IL16: variants seen among roughly 807,000 people sequenced by gnomAD.
IL16 encodes interleukin 16, also known as pro-interleukin-16.
In IL16, 67 loss-of-function variants were observed where a neutral mutation model predicts 110.1. That is an observed-to-expected ratio of 0.61 (90% confidence interval 0.50 to 0.75). The LOEUF (loss-of-function observed/expected upper bound fraction) is 0.75, where lower values mean the gene tolerates loss of function less well. Among genes scored for constraint, IL16 ranks in the 30% least tolerant of loss-of-function variants. The pLI is 0.00. For synonymous variants in IL16, 689 were observed against 662.9 expected (o/e 1.04, Z -0.61); for missense variants, 1,545 against 1,655.0 (o/e 0.93, Z 1.15).
chr15:81,263,917 A>G (rs1179332301), intron 3 of IL16, among the ~76,000 whole-genome samples: 1 of 152,044 alleles, frequency 6.6e-6, no homozygotes, highest in Non-Finnish European at 1.5e-5. Flanking sequence ...CCATTTCCTC[A>G]CTGATAGAGG....
intron 2 of IL16, among the ~76,000 whole-genome samples, chr15:81,226,284 C>T (rs919183532): frequency 2.0e-5 from 3 of 152,134 alleles, no homozygotes; most frequent in Non-Finnish European, 4.4e-5. Context: ...TGTCTGGGGA[C>T]CTGCCAGAAT....
At chr15:81,210,489 A>G (rs1896199052) in intron 1 of IL16, among the ~76,000 whole-genome samples, 1 of 152,224 alleles carries the variant, frequency 6.6e-6, no homozygotes, top group African/African-American at 2.4e-5. Flanking sequence ...CTTCCAGTCC[A>G]TGAGCATGGA....
chr15:81,270,198 ATG>A (rs1467950209), intron 5 of IL16, among the ~76,000 whole-genome samples: 1 of 152,162 alleles, frequency 6.6e-6, no homozygotes, highest in Admixed American at 6.5e-5. Flanking sequence ...CTGCTTCATA[ATG>A]GAGATATAGC....
Position 81,269,424 on chromosome 15 carries a change from T to G in IL16, c.565-114T>G. The G allele has an allele frequency of 4.1e-6, 3 of 729,898 alleles. No homozygotes were observed. The South Asian group carries it at 4.8e-5, about 12-fold the overall frequency. 45.2% of individuals were successfully genotyped at this position (729,898 alleles called of 1,614,324 possible). On this transcript the variant is annotated intron_variant, in intron 4 of 18. Coordinates refer to ENST00000683961, the MANE Select transcript of IL16 (RefSeq NM_172217.5). ...TTCTGGTTGTTACGCTGCCTGCCCT[T>G]AGGAGAAAGAGGACTTGGTTCCTCT...
chr15:81,238,362 A>C (rs1897242470), intron 2 of IL16, among the ~76,000 whole-genome samples: 1 of 152,104 alleles, frequency 6.6e-6, no homozygotes, highest in Non-Finnish European at 1.5e-5. Flanking sequence ...GTAATCCTTG[A>C]ACATTTTAAA....
At position 81,273,108 on chromosome 15, in the gene IL16, GT is replaced by G; in HGVS notation, c.696del (p.Gly234GlufsTer45). 5.0e-6 allele frequency: 8 copies of G among 1,613,248 alleles called. No individual in the cohort carries two copies. Among genetic ancestry groups the G allele is most frequent in the Non-Finnish European group, 5.9e-6 (7 of 1,179,448 alleles). On this transcript the variant is annotated frameshift_variant, in exon 6 of 19. Transcript: ENST00000683961. LOFTEE classifies it high-confidence loss of function. ...TCCCCAGGGTCTGGGCTTCAGCATC[GT>G]TGGGGGAAAAGACAGCATTTATGGC... is the stretch of plus-strand genomic sequence containing the variant. ...GQAKGLGFSI[V>X]GGKDSIYGPI...
chr15:81,200,577 G>T (rs1268880280), intron 1 of IL16, among the ~76,000 whole-genome samples: 1 of 152,058 alleles, frequency 6.6e-6, no homozygotes, highest in Non-Finnish European at 1.5e-5. Flanking sequence ...TGCCATGTTG[G>T]CCAGGCTGGT....
chr15:81,230,172 G>A (rs1387253055), intron 2 of IL16, among the ~76,000 whole-genome samples: 1 of 152,116 alleles, frequency 6.6e-6, no homozygotes, highest in Non-Finnish European at 1.5e-5. Flanking sequence ...AATTCAAATG[G>A]GAGAATGTCA....
chr15:81,234,416 T>G (rs1897115108), intron 2 of IL16, among the ~76,000 whole-genome samples: 1 of 152,124 alleles, frequency 6.6e-6, no homozygotes, highest in African/African-American at 2.4e-5. Context: ...TTAGCTATAA[T>G]TTTTTTACTT....
chr15:81,255,103 T>C (rs1897900097), intron 2 of IL16, among the ~76,000 whole-genome samples: 1 of 152,194 alleles, frequency 6.6e-6, no homozygotes, highest in Non-Finnish European at 1.5e-5. Context: ...GCTTGAACAA[T>C]AACTTGAAAT....
chr15:81,279,759 G>A lies in IL16; in HGVS notation c.1066G>A (p.Val356Ile), dbSNP rs201929052. ...GCCCAATTACAGAATCATGGTGGAG[G>A]TTTCTCTGCAGAAAGGTAGGAGTGC... ...AKPNYRIMVE[V>I]SLQKEAGVGL... The change falls in exon 8 of 19, where the codon GTT becomes ATT. Residue 356 changes from valine (V) to isoleucine (I), a missense_variant. By Grantham distance (29) the Val-to-Ile change is conservative. Transcript: ENST00000683961. 6.2e-7 allele frequency: 1 copy of A among 1,614,226 alleles called. No homozygotes were observed. The highest frequency in any genetic ancestry group is 8.5e-7 in the Non-Finnish European group (1 of 1,180,024).
chr15:81,214,779 C>G (rs1896366839), intron 1 of IL16, among the ~76,000 whole-genome samples: 1 of 152,156 alleles, frequency 6.6e-6, no homozygotes, highest in Admixed American at 6.6e-5. Context: ...GATTTGATCT[C>G]TTTACATACT....
At chr15:81,189,778 C>T (rs1181152212) in intron 1 of IL16, among the ~76,000 whole-genome samples, 1 of 152,186 alleles carries the variant, frequency 6.6e-6, no homozygotes, top group African/African-American at 2.4e-5. Flanking sequence ...GAACTTCAAG[C>T]GTCGGAGAGA....
chr15:81,247,098 A>ATTTTTTTTTTT (rs1897589123), intron 2 of IL16, among the ~76,000 whole-genome samples: 1 of 39,936 alleles, frequency 2.5e-5, no homozygotes, highest in Non-Finnish European at 4.9e-5. Context: ...TTTTTTTTTG[A>ATTTTTTTTTTT]TCTTGAGTGA....
At chr15:81,288,700 A>G (rs1899563700) in intron 10 of IL16, among the ~76,000 whole-genome samples, 1 of 152,218 alleles carries the variant, frequency 6.6e-6, no homozygotes, top group South Asian at 2.1e-4. Flanking sequence ...TCGAAGTGGA[A>G]TCATATAAAA....
At chr15:81,273,623 A>G (rs1203491094) in intron 6 of IL16, among the ~76,000 whole-genome samples, 3 of 152,102 alleles carry the variant, frequency 2.0e-5, no homozygotes, top group Non-Finnish European at 2.9e-5. Flanking sequence ...ACCCACAACC[A>G]TAGGGAAACC....
chr15:81,207,141 G>A (rs1896052484), intron 1 of IL16, among the ~76,000 whole-genome samples: 2 of 151,692 alleles, frequency 1.3e-5, no homozygotes, highest in Admixed American at 6.6e-5. Flanking sequence ...GGGAGGCTGA[G>A]GTAGGAGAAT....
In IL16 at chr15:81,196,936, G is replaced by T. The variant is rs2141936856; in HGVS notation, c.-318G>T. ...TGGTGAATATTGTGTCCTACTCACGGCATCTCAACTATCGGAGCCTGGGAT... is the reference window on the plus strand; with the variant it reads ...TGGTGAATATTGTGTCCTACTCACGTCATCTCAACTATCGGAGCCTGGGAT... On this transcript the variant is annotated 5_prime_UTR_variant, in exon 1 of 19. Transcript: ENST00000683961. 1 of 1,254,236 alleles carries T rather than the reference G, an allele frequency of 8.0e-7. No individual in the cohort carries two copies. The highest frequency in any genetic ancestry group is 1.6e-5 in the African/African-American group (1 of 64,136). 77.7% of individuals were successfully genotyped at this position (1,254,236 alleles called of 1,614,324 possible).
intron 13 of IL16, among the ~76,000 whole-genome samples, chr15:81,298,790 T>A (rs1900117377): frequency 6.6e-6 from 1 of 152,160 alleles, no homozygotes; most frequent in African/African-American, 2.4e-5. Context: ...GGCAGGTACA[T>A]ACATGGGAAA....
Sources: gnomAD v4.1 joint callset for allele counts (sites outside exome capture counted in the v4.1 genomes callset) on GRCh38, gnomAD v4.1.1 for gene constraint, MANE v1.5 for transcripts, NCBI Gene and HGNC (gene_info 2026-07-23, HGNC 2026-07-21) for gene names.